Variants in PTPRM observed in about 807,000 individuals in gnomAD.
PTPRM encodes protein tyrosine phosphatase receptor type M, also known as receptor-type tyrosine-protein phosphatase mu.
A neutral mutation model predicts 186.7 loss-of-function variants in PTPRM; 47 were observed. That is an observed-to-expected ratio of 0.25 (90% CI 0.20 to 0.32). The LOEUF (loss-of-function observed/expected upper bound fraction) is 0.32, where lower values mean the gene tolerates loss of function less well. Ranked by LOEUF, PTPRM falls within the 10% of genes least tolerant of loss-of-function variation. The pLI is 1.00. For synonymous variants in PTPRM, 668 were observed against 674.9 expected (o/e 0.99, Z 0.16); for missense variants, 1,494 against 1,865.0 (o/e 0.80, Z 3.66).
At chr18:7,691,083 A>T (rs1411774054) in intron 1 of PTPRM, among the ~76,000 whole-genome samples, 1 of 152,160 alleles carries the variant, frequency 6.6e-6, no homozygotes, top group Non-Finnish European at 1.5e-5. Context: ...GTAATTTTTA[A>T]AAGAGAATTA....
intron 1 of PTPRM, among the ~76,000 whole-genome samples, chr18:7,733,968 A>T (rs1598457929): frequency 6.6e-6 from 1 of 152,148 alleles, no homozygotes; most frequent in Admixed American, 6.5e-5. Context: ...ATCCTAGGGG[A>T]TTTGGCTGTC....
intron 2 of PTPRM, among the ~76,000 whole-genome samples, chr18:7,819,751 T>G (rs1039492014): frequency 1.3e-5 from 2 of 152,208 alleles, no homozygotes; most frequent in African/African-American, 2.4e-5. Context: ...GCCTAGACAC[T>G]GCTGTGGAGT....
intron 1 of PTPRM, among the ~76,000 whole-genome samples, chr18:7,632,822 G>T (rs1301974000): frequency 2.0e-5 from 3 of 152,202 alleles, no homozygotes; most frequent in African/African-American, 7.2e-5. Flanking sequence ...GATTAGTACA[G>T]CTCTGAGAAG....
rs377182615 is a variant in PTPRM at position 7,842,930 on chromosome 18, G to GTGTGTGTGTGTGTGTATATA, written c.197-45175_197-45174insGTGTGTGTGTGTGTATATAT. 8.4e-4 allele frequency among the ~76,000 whole-genome samples: 85 copies of GTGTGTGTGTGTGTGTATATA among 100,920 alleles called. 4 individuals carry two copies. Among genetic ancestry groups the GTGTGTGTGTGTGTGTATATA allele is most frequent in the African/African-American group, 4.1e-3 (82 of 20,200 alleles). The allele number at this position is 100,920 out of a possible 152,430, so 66.2% of individuals were successfully genotyped here. A position where few individuals can be genotyped will look rare whatever the true frequency, so the allele number is the denominator to read the frequency against. On this transcript the variant is annotated intron_variant, in intron 2 of 32. Transcript: ENST00000580170. Reference sequence around the variant, plus strand: ...CTCATATGTGTGTGTGTGTGTGTGTGTATATATATATATATATAGAGAGAG... The same window carrying GTGTGTGTGTGTGTGTATATA: ...CTCATATGTGTGTGTGTGTGTGTGTGTGTGTGTGTGTGTGTATATATATATATATATATATATAGAGAGAG...
intron 1 of PTPRM, among the ~76,000 whole-genome samples, chr18:7,591,335 G>A (rs1337868820): frequency 2.0e-5 from 3 of 152,142 alleles, no homozygotes; most frequent in Non-Finnish European, 2.9e-5. Flanking sequence ...AAGCATTTGT[G>A]CAGGATTAGA....
chr18:8,038,681 T>C (rs1016243155), intron 7 of PTPRM, among the ~76,000 whole-genome samples: 14 of 152,328 alleles, frequency 9.2e-5, no homozygotes, highest in Non-Finnish European at 2.1e-4. Flanking sequence ...CGTGAGCCAC[T>C]GTGCCTTGCC....
In PTPRM at chr18:8,063,120, C is replaced by CGTA. The variant is rs578158330; in HGVS notation, c.1133-6564_1133-6562dup. On this transcript the variant is annotated intron_variant, in intron 7 of 32. Coordinates refer to ENST00000580170, the MANE Select transcript of PTPRM (RefSeq NM_001105244.2). Reference sequence around the variant, plus strand: ...CTGGCAATCAGCGAGACTCCGTGGGCGTAGGACCCTCCGAGCCAGGTGTGG... The same window carrying CGTA: ...CTGGCAATCAGCGAGACTCCGTGGGCGTAGTAGGACCCTCCGAGCCAGGTGTGG... 4.4e-3 allele frequency among the ~76,000 whole-genome samples: 662 copies of CGTA among 149,630 alleles called. 2 individuals carry two copies. The highest frequency in any genetic ancestry group is 0.016 in the African/African-American group (636 of 39,280).
chr18:7,743,283 T>A (rs1163430409), intron 1 of PTPRM, among the ~76,000 whole-genome samples: 3 of 152,254 alleles, frequency 2.0e-5, no homozygotes, highest in African/African-American at 7.2e-5. Context: ...GTTGTGAGGA[T>A]GTCGTGGAAT....
intron 1 of PTPRM, among the ~76,000 whole-genome samples, chr18:7,642,164 G>A (rs2038458170): frequency 6.6e-6 from 1 of 152,162 alleles, no homozygotes; most frequent in African/African-American, 2.4e-5. Context: ...GAGAAAAATT[G>A]TACCAAAATA....
At chr18:7,723,665 T>C (rs1219755074) in intron 1 of PTPRM, among the ~76,000 whole-genome samples, 1 of 152,202 alleles carries the variant, frequency 6.6e-6, no homozygotes, top group Non-Finnish European at 1.5e-5. Flanking sequence ...TGGGAGAAGC[T>C]CTCAACCAGT....
intron 7 of PTPRM, among the ~76,000 whole-genome samples, chr18:8,016,503 A>T (rs1212132091): frequency 7.3e-5 from 11 of 150,146 alleles, no homozygotes. Context: ...ACTGCACTCC[A>T]GCTTGGGTGA....
intron 1 of PTPRM, among the ~76,000 whole-genome samples, chr18:7,736,510 A>G (rs2040773560): frequency 6.6e-6 from 1 of 152,052 alleles, no homozygotes; most frequent in Non-Finnish European, 1.5e-5. Flanking sequence ...TTGTAGAAGG[A>G]AGGGCTTTAT....
intron 22 of PTPRM, among the ~76,000 whole-genome samples, chr18:8,322,840 G>C (rs541346204): frequency 6.6e-6 from 1 of 152,212 alleles, no homozygotes; most frequent in South Asian, 2.1e-4. Context: ...TTTGTTTAGA[G>C]ACATGATTTC....
chr18:8,350,417 G>A (rs1425688316), intron 23 of PTPRM, among the ~76,000 whole-genome samples: 1 of 152,156 alleles, frequency 6.6e-6, no homozygotes, highest in African/African-American at 2.4e-5. Flanking sequence ...ACTCTGTTGT[G>A]TGATACAGAC....
At chr18:7,855,202 A>G (rs1419347736) in intron 2 of PTPRM, among the ~76,000 whole-genome samples, 2 of 152,144 alleles carry the variant, frequency 1.3e-5, no homozygotes, top group Non-Finnish European at 2.9e-5. Flanking sequence ...TATTATTAGA[A>G]TGCTGTGCAG....
chr18:8,187,673 A>G (rs1445960188), intron 14 of PTPRM, among the ~76,000 whole-genome samples: 4 of 152,206 alleles, frequency 2.6e-5, no homozygotes, highest in African/African-American at 9.6e-5. Flanking sequence ...TAAGTTGGCA[A>G]CAGAAGAGAT....
chr18:7,754,555 A>G (rs1014295605), intron 1 of PTPRM, among the ~76,000 whole-genome samples: 26 of 152,252 alleles, frequency 1.7e-4, no homozygotes, highest in African/African-American at 6.3e-4. Flanking sequence ...CCTCCTTTCC[A>G]TATTACCTGG....
rs1470425290 is a variant in PTPRM at position 7,827,452 on chromosome 18, G to A, written c.196+53181G>A. Among the ~76,000 whole-genome samples the A allele has an allele frequency of 2.0e-5, 3 of 152,302 alleles. No homozygotes were observed. The East Asian group carries it at 5.8e-4, about 29-fold the overall frequency. Reference sequence around the variant, plus strand: ...CTTCACTGTAGCACTCCCCACAGCTGTACTCTGGTTTACAAGACTCTCCCA... The same window carrying A: ...CTTCACTGTAGCACTCCCCACAGCTATACTCTGGTTTACAAGACTCTCCCA... On this transcript the variant is annotated intron_variant, in intron 2 of 32. Coordinates refer to ENST00000580170, the MANE Select transcript of PTPRM (RefSeq NM_001105244.2).
At chr18:7,610,315 C>A (rs1410240979) in intron 1 of PTPRM, among the ~76,000 whole-genome samples, 1 of 152,102 alleles carries the variant, frequency 6.6e-6, no homozygotes. Context: ...AATTTTTAAA[C>A]TTTAAAATCT....
Sources: gnomAD v4.1 joint callset for allele counts (sites outside exome capture counted in the v4.1 genomes callset) on GRCh38, gnomAD v4.1.1 for gene constraint, MANE v1.5 for transcripts, NCBI Gene and HGNC (gene_info 2026-07-23, HGNC 2026-07-21) for gene names.